IL1RAPL1: variants seen among roughly 807,000 people sequenced by gnomAD.
IL1RAPL1 encodes the protein interleukin-1 receptor accessory protein-like 1.
IL1RAPL1 carries 3 observed loss-of-function variants against 48.4 expected under a neutral mutation model. The ratio of observed to expected loss-of-function variants is 0.06; its 90% CI spans 0.03 to 0.16. The LOEUF (loss-of-function observed/expected upper bound fraction) is 0.16, where lower values mean the gene tolerates loss of function less well. IL1RAPL1 is among the 10% of genes least tolerant of loss of function. IL1RAPL1 has a pLI of 1.00. For missense variants in IL1RAPL1, 349 were observed against 530.6 expected, an observed-to-expected ratio of 0.66 and a Z score of 3.36; for synonymous variants, 185 against 187.7, an observed-to-expected ratio of 0.99 and a Z score of 0.12.
chrX:29,301,989 T>A (rs949516962), intron 3 of IL1RAPL1, among the ~76,000 whole-genome samples: 1 of 111,420 alleles, frequency 9.0e-6, no homozygotes, highest in African/African-American at 3.3e-5. Context: ...TACACGTGGC[T>A]GGAGTGAAAA....
intron 8 of IL1RAPL1, among the ~76,000 whole-genome samples, chrX:29,929,182 C>A (rs997741852): frequency 1.8e-5 from 2 of 111,314 alleles, no homozygotes; most frequent in African/African-American, 6.5e-5. Flanking sequence ...ATTTTTAAAA[C>A]CACCTCAAAA....
intron 2 of IL1RAPL1, among the ~76,000 whole-genome samples, chrX:29,170,538 C>T (rs1166262299): frequency 1.8e-5 from 2 of 111,064 alleles, no homozygotes; most frequent in African/African-American, 6.5e-5. Flanking sequence ...TAATACAAAC[C>T]TTGTCAGTTT....
intron 6 of IL1RAPL1, among the ~76,000 whole-genome samples, chrX:29,708,673 T>C (rs778981552): frequency 8.9e-5 from 10 of 112,338 alleles, no homozygotes; most frequent in Non-Finnish European, 1.3e-4. Flanking sequence ...AATGCTGAAA[T>C]AAACATGGGA....
At chrX:29,548,586 G>T (rs1445519719) in intron 5 of IL1RAPL1, among the ~76,000 whole-genome samples, 2 of 111,652 alleles carry the variant, frequency 1.8e-5, no homozygotes, top group Non-Finnish European at 3.8e-5. Context: ...AAACGTGAAA[G>T]GTTTTTTATG....
intron 1 of IL1RAPL1, among the ~76,000 whole-genome samples, chrX:28,780,842 T>C (rs1936416037): frequency 9.1e-6 from 1 of 110,214 alleles, no homozygotes; most frequent in African/African-American, 3.3e-5. Context: ...TGGATAATTT[T>C]CTCTATACAG....
chrX:29,086,060 G>A (rs1927945618), intron 2 of IL1RAPL1, among the ~76,000 whole-genome samples: 1 of 112,022 alleles, frequency 8.9e-6, no homozygotes, highest in African/African-American at 3.2e-5. Flanking sequence ...AACTCAGAAC[G>A]AAATATGTAG....
chrX:29,052,808 A>C (rs1043424422), intron 2 of IL1RAPL1, among the ~76,000 whole-genome samples: 3 of 111,382 alleles, frequency 2.7e-5, no homozygotes, highest in Non-Finnish European at 3.8e-5. Context: ...AGTAGCTGGG[A>C]TTACAGGCAC....
intron 2 of IL1RAPL1, among the ~76,000 whole-genome samples, chrX:29,246,150 CTTTTTTTTTTTTT>C (rs761809643): frequency 3.8e-5 from 2 of 52,023 alleles, no homozygotes; most frequent in South Asian, 1.2e-3. Context: ...TCTCATCGCT[CTTTTTTTTTTTTT>C]TTTTTTTTTT....
At chrX:28,864,768 G>A (rs765236488) in intron 2 of IL1RAPL1, among the ~76,000 whole-genome samples, 1 of 111,636 alleles carries the variant, frequency 9.0e-6, no homozygotes, top group Non-Finnish European at 1.9e-5. Context: ...TTAGGGCCTC[G>A]TGGGCTGTTT....
chrX:29,035,866 A>C (rs1051421573), intron 2 of IL1RAPL1, among the ~76,000 whole-genome samples: 32 of 112,018 alleles, frequency 2.9e-4, no homozygotes, highest in Non-Finnish European at 9.4e-5. Flanking sequence ...CCGTGGTGGA[A>C]ATTCTAATTT....
intron 2 of IL1RAPL1, among the ~76,000 whole-genome samples, chrX:28,951,883 T>G (rs1193299337): frequency 9.0e-6 from 1 of 111,542 alleles, no homozygotes; most frequent in Admixed American, 9.6e-5. Context: ...AAATAAACTT[T>G]ATCTTGATGC....
chrX:29,332,643 TA>T (rs1569287642), intron 3 of IL1RAPL1, among the ~76,000 whole-genome samples: 46 of 95,702 alleles, frequency 4.8e-4, no homozygotes, highest in African/African-American at 2.2e-3. Flanking sequence ...TTTATTTATT[TA>T]TTTATTTTAT....
intron 5 of IL1RAPL1, among the ~76,000 whole-genome samples, chrX:29,569,639 A>C (rs932110678): frequency 1.9e-5 from 2 of 106,876 alleles, no homozygotes; most frequent in East Asian, 6.0e-4. Flanking sequence ...TTGCAAAAAA[A>C]AAAAACAACT....
intron 2 of IL1RAPL1, among the ~76,000 whole-genome samples, chrX:29,177,917 A>G (rs1305044226): frequency 8.9e-6 from 1 of 112,121 alleles, no homozygotes; most frequent in East Asian, 2.8e-4. Context: ...TGCAAAGGAC[A>G]TGAATTCATC....
At chrX:28,625,500 T>A (rs1165862512) in intron 1 of IL1RAPL1, among the ~76,000 whole-genome samples, 2 of 111,741 alleles carry the variant, frequency 1.8e-5, no homozygotes, top group East Asian at 5.6e-4. Flanking sequence ...AGCAAACACA[T>A]GGGAAGGGCA....
chrX:29,337,922 G>A (rs1215870882), intron 3 of IL1RAPL1, among the ~76,000 whole-genome samples: 1 of 111,294 alleles, frequency 9.0e-6, no homozygotes, highest in Non-Finnish European at 1.9e-5. Context: ...TGATCTGCCC[G>A]CCTTGGCCTC....
chrX:28,951,979 TATAAGACTGC>T (rs1197496212), intron 2 of IL1RAPL1, among the ~76,000 whole-genome samples: 1 of 110,858 alleles, frequency 9.0e-6, no homozygotes, highest in African/African-American at 3.3e-5. Flanking sequence ...ATCAGGGAGA[TATAAGACTGC>T]AGTCCTCATA....
At chrX:29,537,735 CTT>C (rs1921285758) in intron 5 of IL1RAPL1, among the ~76,000 whole-genome samples, 1 of 110,055 alleles carries the variant, frequency 9.1e-6, no homozygotes, top group Non-Finnish European at 1.9e-5. Flanking sequence ...ATATTATAAA[CTT>C]TGAAAAAGTG....
rs995057356 is a variant in IL1RAPL1, at chrX:29,920,061, C to T, written c.1024C>T (p.Arg342Cys). The change falls in exon 8 of 11, where the codon CGT becomes TGT. Residue 342 changes from arginine to cysteine, a missense_variant. By Grantham distance (180) the Arg-to-Cys change is radical. This residue lies in a region of IL1RAPL1 where 238 missense variants were observed against 337.8 expected (regional missense o/e 0.70). Transcript: ENST00000378993. ...YSCYVENGNG[R>C]RHASVLLHKR... ...CTGTTATGTTGAAAATGGAAATGGA[C>T]GTCGACACGCCAGCGTTCTCCTTCA... 5.8e-6 allele frequency: 7 copies of T among 1,209,469 alleles called. No individual in the cohort carries two copies. The highest frequency in any genetic ancestry group is 7.8e-6 in the Non-Finnish European group (7 of 894,761).
Sources: gnomAD v4.1 joint callset for allele counts (sites outside exome capture counted in the v4.1 genomes callset) on GRCh38, gnomAD v4.1.1 for gene constraint, gnomAD v4.1.1 regional missense constraint, MANE v1.5 for transcripts, NCBI Gene and HGNC (gene_info 2026-07-23, HGNC 2026-07-21) for gene names.